Variants in SIX3 observed in about 807,000 individuals in gnomAD.
SIX3 encodes homeobox protein SIX3.
Under a neutral mutation model 21.7 loss-of-function variants are expected in SIX3, and 2 were observed. The ratio of observed to expected loss-of-function variants is 0.09; its 90% CI spans 0.04 to 0.29. The LOEUF (loss-of-function observed/expected upper bound fraction) is 0.29, where lower values mean the gene tolerates loss of function less well. SIX3 is among the 10% of genes least tolerant of loss of function. The pLI, the probability that SIX3 is intolerant of heterozygous loss-of-function variation, is 1.00. For missense variants in SIX3, 347 were observed against 480.7 expected (o/e 0.72, Z 2.60); for synonymous variants, 243 against 220.6 (o/e 1.10, Z -0.90).
rs758112093 is a variant in SIX3 at position 44,944,631 on chromosome 2, G to T, written c.870G>T (p.Thr290=). The T allele has an allele frequency of 1.3e-6, 2 of 1,572,936 alleles. No individual in the cohort carries two copies. The highest frequency in any genetic ancestry group is 1.3e-5 in the African/African-American group (1 of 74,136). ...CGCTGGCCGAGCCCGGCTGCCCCAC[G>T]CACGGCTCGGCAGAGTCGCCGTCCA... ...MRSLAEPGCP[T]HGSAESPSTA... is the part of the protein sequence containing the mutation. Residue 290 remains threonine (T), a synonymous_variant, in exon 2 of 2, where the codon ACG becomes ACT. Transcript: ENST00000260653.
chr2:44,942,146 C>G lies in SIX3; in HGVS notation c.42C>G (p.Phe14Leu), dbSNP rs772181424. 6.3e-7 allele frequency: 1 copy of G among 1,598,384 alleles called. No individual in the cohort carries two copies. The highest frequency in any genetic ancestry group is 2.2e-5 in the East Asian group (1 of 44,814). ...RSPLDLYSSH[F>L]LLPNFADSHH... ...CCCTAGACCTCTATTCCTCCCACTT[C>G]TTGTTGCCAAACTTCGCCGATTCTC... Residue 14 changes from phenylalanine to leucine, a missense_variant, in exon 1 of 2, where the codon TTC becomes TTG. Physicochemically the swap from Phe to Leu is conservative, Grantham distance 22 (BLOSUM62 0). Coordinates refer to ENST00000260653, the MANE Select transcript of SIX3 (RefSeq NM_005413.4). This position sits in a 1 kb window ranked among gnomAD's most constrained non-coding sequence, Gnocchi z 8.4.
intron 1 of SIX3, among the ~76,000 whole-genome samples, chr2:44,943,510 C>T (rs1666624491): frequency 6.6e-6 from 1 of 152,232 alleles, no homozygotes; most frequent in Non-Finnish European, 1.5e-5. Context: ...TGTGCATGTA[C>T]TCGCCCTCCT....
At chr2:44,943,418 C>T (rs1483284542) in intron 1 of SIX3, among the ~76,000 whole-genome samples, 1 of 152,090 alleles carries the variant, frequency 6.6e-6, no homozygotes, top group African/African-American at 2.4e-5. Flanking sequence ...CAACGCTGCA[C>T]GTTGCCTGAC....
rs200331042 is a variant in SIX3 at position 44,942,473 on chromosome 2, G to A, written c.369G>A (p.Glu123=). 1.4e-3 allele frequency: 2,267 copies of A among 1,598,178 alleles called. 1 individual carries two copies. Among genetic ancestry groups the A allele is most frequent in the Non-Finnish European group, 1.8e-3 (2,116 of 1,179,684 alleles). ...WSLPVAPGAC[E]AINKHESILR... ...TGCCCGTGGCCCCCGGGGCGTGCGA[G>A]GCCATCAACAAACACGAGTCGATCC... The change falls in exon 1 of 2, where the codon GAG becomes GAA. Residue 123 remains glutamate (E), a synonymous_variant. Coordinates refer to ENST00000260653, the MANE Select transcript of SIX3 (RefSeq NM_005413.4). This position sits in a 1 kb window ranked among gnomAD's most constrained non-coding sequence, Gnocchi z 8.4.
chr2:44,944,597 G>A lies in SIX3; in HGVS notation c.836G>A (p.Gly279Asp). 1 of 1,576,782 alleles carries A rather than the reference G, an allele frequency of 6.3e-7. No homozygotes were observed. The highest frequency in any genetic ancestry group is 8.6e-7 in the Non-Finnish European group (1 of 1,168,332). Residue 279 changes from glycine (G) to aspartate (D), a missense_variant, in exon 2 of 2, where the codon GGC becomes GAC. Physicochemically the swap from Gly to Asp is moderately conservative, Grantham distance 94 (BLOSUM62 -1). Coordinates refer to ENST00000260653, the MANE Select transcript of SIX3 (RefSeq NM_005413.4). ...RLQHQAIGPS[G>D]MRSLAEPGCP... ...CAGCACCAGGCCATTGGACCGAGCG[G>A]CATGCGCTCGCTGGCCGAGCCCGGC...
chr2:44,945,087 C>A lies in SIX3; in HGVS notation c.*327C>A, dbSNP rs547756876. 85 of 437,266 alleles carry A rather than the reference C, an allele frequency of 1.9e-4. No individual in the cohort carries two copies. In the East Asian group the frequency reaches 3.1e-3, roughly 16 times the overall value. 27.1% of individuals were successfully genotyped at this position (437,266 alleles called of 1,614,324 possible). A position where few individuals can be genotyped will look rare whatever the true frequency, so the allele number is the denominator to read the frequency against. ...CGGGCAGAAAACATAAAAGAGGTGACAATTGTATACTTTCTAGGACAAGCA... is the reference window on the plus strand; with the variant it reads ...CGGGCAGAAAACATAAAAGAGGTGAAAATTGTATACTTTCTAGGACAAGCA... On this transcript the variant is annotated 3_prime_UTR_variant, in exon 2 of 2. Coordinates refer to ENST00000260653, the MANE Select transcript of SIX3 (RefSeq NM_005413.4).
In SIX3 at chr2:44,945,027, C is replaced by T. The variant is rs1666662991; in HGVS notation, c.*267C>T. The stretch of plus-strand genomic sequence containing the variant: ...CTACCACTACGGCCACCCCAAAGGA[C>T]CCCGACGCCAACAGACAGTCAAACG... On this transcript the variant is annotated 3_prime_UTR_variant, in exon 2 of 2. Transcript: ENST00000260653. 3.6e-6 allele frequency: 2 copies of T among 558,790 alleles called. No individual in the cohort carries two copies. Among genetic ancestry groups the T allele is most frequent in the Admixed American group, 6.3e-5 (2 of 31,692 alleles). The allele number at this position is 558,790 out of a possible 1,614,324, so 34.6% of individuals were successfully genotyped here.
chr2:44,944,940 A>C lies in SIX3; in HGVS notation c.*180A>C. ...ACACACACTCCCACCCCAGCCAAAA[A>C]TATATAAAAAACAAGAAAATAACAA... On this transcript the variant is annotated 3_prime_UTR_variant, in exon 2 of 2. Coordinates refer to ENST00000260653, the MANE Select transcript of SIX3 (RefSeq NM_005413.4). 1.6e-6 allele frequency: 1 copy of C among 623,224 alleles called. No homozygotes were observed. Among genetic ancestry groups the C allele is most frequent in the Non-Finnish European group, 2.8e-6 (1 of 352,640 alleles). The allele number at this position is 623,224 out of a possible 1,614,324, so 38.6% of individuals were successfully genotyped here.
In SIX3 at chr2:44,942,209, G is replaced by T. The variant is rs779034696; in HGVS notation, c.105G>T (p.Gly35=). ...TACTTCTGGCGAGTAGCGGCGGCGG[G>T]AACGGTGCGGGAGGCGGCGGCGGCG... is the stretch of plus-strand genomic sequence containing the variant. ...RSILLASSGG[G]NGAGGGGGAG... is the part of the protein sequence containing the mutation. The change falls in exon 1 of 2, where the codon GGG becomes GGT. Residue 35 remains glycine, a synonymous_variant. Transcript: ENST00000260653. The surrounding 1 kb of genome is among the most constrained non-coding windows in gnomAD (Gnocchi z 8.4). The T allele has an allele frequency of 1.4e-5, 23 of 1,594,700 alleles. No individual in the cohort carries two copies. The East Asian group carries it at 4.9e-4, about 34-fold the overall frequency.
Position 44,944,509 on chromosome 2 carries a change from G to A in SIX3, c.807-59G>A, listed in dbSNP as rs370962844. ...AAAGCGGAATGGGGAGCGGCGGCGCGGGGGAGCCGGGTGGCGGGCCTCTGT... is the reference window on the plus strand; with the variant it reads ...AAAGCGGAATGGGGAGCGGCGGCGCAGGGGAGCCGGGTGGCGGGCCTCTGT... On this transcript the variant is annotated intron_variant, in intron 1 of 1. Coordinates refer to ENST00000260653, the MANE Select transcript of SIX3 (RefSeq NM_005413.4). 2.7e-6 allele frequency: 4 copies of A among 1,509,004 alleles called. No homozygotes were observed. In the African/African-American group the frequency reaches 5.5e-5, roughly 21 times the overall value. The allele number at this position is 1,509,004 out of a possible 1,614,324, so 93.5% of individuals were successfully genotyped here. A position where few individuals can be genotyped will look rare whatever the true frequency, so the allele number is the denominator to read the frequency against.
At position 44,945,345 on chromosome 2, in the gene SIX3, G is replaced by GAAA. The variant is rs771416293; in HGVS notation, c.*585_*586insAAA. 8 of 118,584 alleles carry GAAA rather than the reference G, an allele frequency of 6.7e-5. No homozygotes were observed. The highest frequency in any genetic ancestry group is 5.6e-4 in the East Asian group (2 of 3,568). 7.3% of individuals were successfully genotyped at this position (118,584 alleles called of 1,614,324 possible). On this transcript the variant is annotated 3_prime_UTR_variant, in exon 2 of 2. Transcript: ENST00000260653. ...AAAAAAAAAAAAAAAAAGGACAGGG[G>GAAA]GAAAAAAAAAAAAAAAGAACTCCTG...
intron 1 of SIX3, among the ~76,000 whole-genome samples, chr2:44,943,504 C>T (rs918611469): frequency 1.3e-5 from 2 of 152,210 alleles, no homozygotes; most frequent in African/African-American, 4.8e-5. Context: ...CGCCCGTGTG[C>T]ATGTACTCGC....
Position 44,944,860 on chromosome 2 carries a change from C to T in SIX3, c.*100C>T. Reference sequence around the variant, plus strand: ...TCTTCCTCCTCTTCCTTCTCCTCCTCCATCCCCAGAACAAACCGAAATCAG... The same window carrying T: ...TCTTCCTCCTCTTCCTTCTCCTCCTTCATCCCCAGAACAAACCGAAATCAG... On this transcript the variant is annotated 3_prime_UTR_variant, in exon 2 of 2. Coordinates refer to ENST00000260653, the MANE Select transcript of SIX3 (RefSeq NM_005413.4). The T allele has an allele frequency of 8.6e-7, 1 of 1,158,932 alleles. No individual in the cohort carries two copies. The highest frequency in any genetic ancestry group is 1.2e-6 in the Non-Finnish European group (1 of 802,256). 71.8% of individuals were successfully genotyped at this position (1,158,932 alleles called of 1,614,324 possible). A position where few individuals can be genotyped will look rare whatever the true frequency, so the allele number is the denominator to read the frequency against.
chr2:44,941,851 C>A lies in SIX3; in HGVS notation c.-254C>A, dbSNP rs914813985. 2.6e-6 allele frequency: 1 copy of A among 391,062 alleles called. No individual in the cohort carries two copies. The highest frequency in any genetic ancestry group is 4.8e-6 in the Non-Finnish European group (1 of 208,676). The allele number at this position is 391,062 out of a possible 1,614,324, so 24.2% of individuals were successfully genotyped here. On this transcript the variant is annotated 5_prime_UTR_variant, in exon 1 of 2. Transcript: ENST00000260653. ...CTCTCTGTCTCGGGTTCTCTCTCTGCGCGCGCGCACCGGGCCGCTCTCCTA... is the reference window on the plus strand; with the variant it reads ...CTCTCTGTCTCGGGTTCTCTCTCTGAGCGCGCGCACCGGGCCGCTCTCCTA...
In SIX3 at chr2:44,942,946, A is replaced by C; in HGVS notation, c.806+36A>C. On this transcript the variant is annotated intron_variant, in intron 1 of 1. Coordinates refer to ENST00000260653, the MANE Select transcript of SIX3 (RefSeq NM_005413.4). The surrounding 1 kb of genome is among the most constrained non-coding windows in gnomAD (Gnocchi z 8.4). The stretch of plus-strand genomic sequence containing the variant: ...GGGCCCGCGGCCTGGCTACAGCCTC[A>C]GAGGCCTGGGAAGGGGAGAGGGGTT... The C allele has an allele frequency of 6.3e-7, 1 of 1,585,226 alleles. No individual in the cohort carries two copies. Among genetic ancestry groups the C allele is most frequent in the Non-Finnish European group, 8.5e-7 (1 of 1,173,220 alleles).
rs766604421 is a variant in SIX3, at chr2:44,942,665, G to T, written c.561G>T (p.Pro187=). ...AGCTGCGCGGCCGCCCACTCGGCCC[G>T]GTGGACAAGTACCGCGTGCGCAAGA... The part of the protein sequence containing the change: ...AEKLRGRPLG[P]VDKYRVRKKF... The change falls in exon 1 of 2, where the codon CCG becomes CCT. Residue 187 remains proline (P), a synonymous_variant. Coordinates refer to ENST00000260653, the MANE Select transcript of SIX3 (RefSeq NM_005413.4). The surrounding 1 kb of genome is among the most constrained non-coding windows in gnomAD (Gnocchi z 8.4). 1 of 1,599,440 alleles carries T rather than the reference G, an allele frequency of 6.3e-7. No individual in the cohort carries two copies. The highest frequency in any genetic ancestry group is 8.5e-7 in the Non-Finnish European group (1 of 1,179,310).
chr2:44,944,905 A>C lies in SIX3; in HGVS notation c.*145A>C, dbSNP rs1572625598. On this transcript the variant is annotated 3_prime_UTR_variant, in exon 2 of 2. Coordinates refer to ENST00000260653, the MANE Select transcript of SIX3 (RefSeq NM_005413.4). ...AATCAGGATACCCAACCATACACAC[A>C]TACAAGTCCACACACACTCCCACCC... 8 of 746,164 alleles carry C rather than the reference A, an allele frequency of 1.1e-5. No homozygotes were observed. Among genetic ancestry groups the C allele is most frequent in the East Asian group, 8.1e-5 (3 of 37,170 alleles). The allele number at this position is 746,164 out of a possible 1,614,324, so 46.2% of individuals were successfully genotyped here.
At position 44,942,325 on chromosome 2, in the gene SIX3, C is replaced by A. The variant is rs771429347; in HGVS notation, c.221C>A (p.Pro74Gln). 1 of 1,593,720 alleles carries A rather than the reference C, an allele frequency of 6.3e-7. No individual in the cohort carries two copies. The highest frequency in any genetic ancestry group is 1.1e-5 in the South Asian group (1 of 90,800). Residue 74 changes from proline to glutamine, a missense_variant, in exon 1 of 2, where the codon CCG becomes CAG. Physicochemically the swap from Pro to Gln is moderately conservative, Grantham distance 76. This residue lies in a region of SIX3 where 105 missense variants were observed against 116.1 expected (regional missense o/e 0.90). Coordinates refer to ENST00000260653, the MANE Select transcript of SIX3 (RefSeq NM_005413.4). This position sits in a 1 kb window ranked among gnomAD's most constrained non-coding sequence, Gnocchi z 8.4. ...GGGGGGSRAP[P>Q]EELSMFQLPT... The stretch of plus-strand genomic sequence containing the variant: ...GGCGGCGGCGGCTCCAGGGCCCCCC[C>A]GGAAGAGTTGTCCATGTTCCAGCTG...
At chr2:44,944,343 G>T (rs956599918) in intron 1 of SIX3, among the ~76,000 whole-genome samples, 1 of 152,220 alleles carries the variant, frequency 6.6e-6, no homozygotes, top group South Asian at 2.1e-4. Context: ...GGGAAGAAGC[G>T]CCCGGCTCCT....
Sources: gnomAD v4.1 joint callset for allele counts (sites outside exome capture counted in the v4.1 genomes callset) on GRCh38, gnomAD v4.1.1 for gene constraint, gnomAD v4.1.1 regional missense constraint, Gnocchi (gnomAD v3.1) non-coding constraint, MANE v1.5 for transcripts, NCBI Gene and HGNC (gene_info 2026-07-23, HGNC 2026-07-21) for gene names.